The following FSTL5 variants were observed in gnomAD, a reference collection of about 807,000 sequenced individuals.
FSTL5 encodes the protein follistatin like 5.
FSTL5 carries 62 observed loss-of-function variants against 89.1 expected under a neutral mutation model. The ratio of observed to expected loss-of-function variants is 0.70; its 90% CI spans 0.57 to 0.86. The LOEUF is 0.86. FSTL5 is among the 40% of genes least tolerant of loss of function. The pLI, the probability that FSTL5 is intolerant of heterozygous loss-of-function variation, is 0.00. For synonymous variants in FSTL5, 383 were observed against 346.2 expected, an observed-to-expected ratio of 1.11 and a Z score of -1.18; for missense variants, 1,057 against 1,001.6, an observed-to-expected ratio of 1.06 and a Z score of -0.75.
At chr4:162,111,248 C>T (rs747740462) in intron 2 of FSTL5, 23 bp downstream of exon 2, 6 of 1,558,778 alleles carry the variant, frequency 3.8e-6, no homozygotes, top group Non-Finnish European at 5.2e-6. Context: ...GCACTATGAG[C>T]AGATTCAGAA....
At chr4:161,982,305 C>CT (rs1326387544) in intron 3 of FSTL5, among the ~76,000 whole-genome samples, 1 of 152,168 alleles carries the variant, frequency 6.6e-6, no homozygotes, top group East Asian at 1.9e-4. Flanking sequence ...TGAGGAACTG[C>CT]TGTGGACCCT....
intron 4 of FSTL5, among the ~76,000 whole-genome samples, chr4:161,823,790 A>G (rs1033684143): frequency 1.3e-5 from 2 of 152,160 alleles, no homozygotes. Context: ...ACTGCCATCA[A>G]TATGTTTGTT....
rs373293558 is a variant in FSTL5, at chr4:161,804,305, T to C, written c.410-28231A>G. On this transcript the variant is annotated intron_variant, in intron 4 of 15. Transcript: ENST00000306100. ...CCTGTCTGCCATGTAATATAATGTATTAACAGATGCCAAGAATTGTGATAA... is the reference window on the plus strand; with the variant it reads ...CCTGTCTGCCATGTAATATAATGTACTAACAGATGCCAAGAATTGTGATAA... Among the ~76,000 whole-genome samples the C allele has an allele frequency of 2.6e-5, 4 of 152,026 alleles. No individual in the cohort carries two copies. The East Asian group carries it at 7.7e-4, about 29-fold the overall frequency.
chr4:161,888,623 T>G (rs184312220), intron 4 of FSTL5, among the ~76,000 whole-genome samples: 18 of 152,270 alleles, frequency 1.2e-4, no homozygotes, highest in Non-Finnish European at 2.4e-4. Flanking sequence ...GCTGTCTTTA[T>G]TCAAACATAA....
chr4:161,552,268 T>G (rs1209067923), intron 8 of FSTL5, among the ~76,000 whole-genome samples: 2 of 151,960 alleles, frequency 1.3e-5, no homozygotes, highest in Non-Finnish European at 2.9e-5. Context: ...GAATAGATAT[T>G]AATAACAACT....
intron 3 of FSTL5, among the ~76,000 whole-genome samples, chr4:161,952,820 A>T (rs993714868): frequency 1.2e-4 from 18 of 152,014 alleles, no homozygotes; most frequent in African/African-American, 3.4e-4. Context: ...TTCTGAAATT[A>T]TCATTATGTA....
chr4:162,074,319 T>G (rs985783690), intron 2 of FSTL5, among the ~76,000 whole-genome samples: 4 of 151,788 alleles, frequency 2.6e-5, no homozygotes, highest in African/African-American at 9.7e-5. Context: ...ACCACATTCT[T>G]AGTAATGTTT....
At chr4:161,870,184 C>T (rs1732217328) in intron 4 of FSTL5, among the ~76,000 whole-genome samples, 1 of 152,080 alleles carries the variant, frequency 6.6e-6, no homozygotes, top group African/African-American at 2.4e-5. Flanking sequence ...ATTTGTTCAC[C>T]ACGTGGTGCA....
chr4:162,108,719 G>C (rs1731323678), intron 2 of FSTL5, among the ~76,000 whole-genome samples: 1 of 151,452 alleles, frequency 6.6e-6, no homozygotes, highest in Admixed American at 6.6e-5. Context: ...GTATTGTGCT[G>C]CTGTTGACTT....
At chr4:161,694,194 A>G (rs1244037903) in intron 6 of FSTL5, among the ~76,000 whole-genome samples, 1 of 152,158 alleles carries the variant, frequency 6.6e-6, no homozygotes, top group Non-Finnish European at 1.5e-5. Context: ...TAAGTAATTG[A>G]GAATTTTCTT....
chr4:161,889,547 G>A (rs1732921288), intron 4 of FSTL5, among the ~76,000 whole-genome samples: 1 of 152,168 alleles, frequency 6.6e-6, no homozygotes, highest in Non-Finnish European at 1.5e-5. Context: ...AGGAGGCTGA[G>A]GCAGGAGAAT....
At chr4:162,129,367 C>G (rs187486295) in intron 1 of FSTL5, among the ~76,000 whole-genome samples, 2 of 152,160 alleles carry the variant, frequency 1.3e-5, no homozygotes, top group Non-Finnish European at 2.9e-5. Context: ...AAAACAATAT[C>G]TCCCAGAAAA....
intron 12 of FSTL5, among the ~76,000 whole-genome samples, chr4:161,484,960 G>T (rs992791954): frequency 6.6e-6 from 1 of 152,068 alleles, no homozygotes. Context: ...CAGAAACTAG[G>T]AATGTTTTCT....
intron 12 of FSTL5, among the ~76,000 whole-genome samples, chr4:161,481,936 C>A (rs948885254): frequency 6.6e-6 from 1 of 152,078 alleles, no homozygotes; most frequent in African/African-American, 2.4e-5. Context: ...TAAGTAAAAG[C>A]GTATGAAATG....
At chr4:161,780,162 T>A (rs1047706661) in intron 4 of FSTL5, among the ~76,000 whole-genome samples, 20 of 148,444 alleles carry the variant, frequency 1.3e-4, no homozygotes, top group South Asian at 1.0e-3. Context: ...TAATAATTAT[T>A]GTATAAATAA....
chr4:161,835,112 T>A (rs1248198348), intron 4 of FSTL5, among the ~76,000 whole-genome samples: 2 of 147,452 alleles, frequency 1.4e-5, no homozygotes, highest in African/African-American at 5.2e-5. Flanking sequence ...GAGATATAGA[T>A]CAATGGAACA....
At chr4:161,659,729 G>T (rs1736642516) in intron 6 of FSTL5, among the ~76,000 whole-genome samples, 1 of 151,970 alleles carries the variant, frequency 6.6e-6, no homozygotes, top group South Asian at 2.1e-4. Flanking sequence ...ACATTTTAGT[G>T]ACTACAGTTG....
intron 3 of FSTL5, among the ~76,000 whole-genome samples, chr4:161,934,340 C>T (rs1235656323): frequency 5.3e-5 from 8 of 151,858 alleles, no homozygotes; most frequent in Non-Finnish European, 1.2e-4. Context: ...AATTTGACAT[C>T]GCTGTATATA....
chr4:161,505,935 A>T (rs946134828), intron 11 of FSTL5, among the ~76,000 whole-genome samples: 2 of 152,134 alleles, frequency 1.3e-5, no homozygotes, highest in African/African-American at 4.8e-5. Context: ...TGCATCACGT[A>T]CTCGCCATTA....
Sources: allele counts gnomAD v4.1 joint callset (sites outside exome capture counted in the v4.1 genomes callset), GRCh38; gene constraint gnomAD v4.1.1; transcripts MANE v1.5; gene names NCBI Gene and HGNC (gene_info 2026-07-23, HGNC 2026-07-21).